The following PRH1 variants were observed in gnomAD, a reference collection of about 807,000 sequenced individuals.
PRH1 encodes the protein proline rich protein HaeIII subfamily 1, also known as salivary acidic proline-rich phosphoprotein 1/2.
Under a neutral mutation model 7.9 loss-of-function variants are expected in PRH1, and 7 were observed. The observed-to-expected ratio is 0.89, with a 90% CI of 0.50 to 1.67. The LOEUF (loss-of-function observed/expected upper bound fraction) is 1.67, where lower values mean the gene tolerates loss of function less well. Among genes scored for constraint, PRH1 ranks in the 40% most tolerant of loss-of-function variants. The pLI, the probability that PRH1 is intolerant of heterozygous loss-of-function variation, is 0.00. For synonymous variants in PRH1, 45 were observed against 80.8 expected, an observed-to-expected ratio of 0.56 and a Z score of 2.38; for missense variants, 109 against 223.6, an observed-to-expected ratio of 0.49 and a Z score of 3.27.
intron 2 of PRH1, among the ~76,000 whole-genome samples, chr12:10,901,696 C>A (rs1175900370): frequency 1.3e-5 from 2 of 152,070 alleles, no homozygotes; most frequent in African/African-American, 4.8e-5. Flanking sequence ...GTAGGTTGAA[C>A]CGCACAGTCT....
intron 2 of PRH1, among the ~76,000 whole-genome samples, chr12:10,962,710 TA>T (rs146263473): frequency 0.029 from 4,413 of 152,364 alleles, 204 homozygotes; most frequent in African/African-American, 0.099. Flanking sequence ...ATCTATTTTT[TA>T]TGTGATCTTT....
At chr12:11,072,181 C>G (rs1944102752) in intron 1 of PRH1, among the ~76,000 whole-genome samples, 1 of 152,110 alleles carries the variant, frequency 6.6e-6, no homozygotes, top group Non-Finnish European at 1.5e-5. Context: ...GAGACAAGCT[C>G]TCACCATGTA....
upstream of PRH1, chr12:11,171,528 G>A: frequency 1.6e-6 from 2 of 1,232,336 alleles, no homozygotes; most frequent in Non-Finnish European, 2.0e-6. Flanking sequence ...CGCGGGCTCG[G>A]TGATCCTCAA....
intron 1 of PRH1, among the ~76,000 whole-genome samples, chr12:11,042,051 T>C (rs1002040567): frequency 4.6e-5 from 7 of 151,964 alleles, no homozygotes; most frequent in Non-Finnish European, 7.4e-5. Flanking sequence ...AACAACCTAA[T>C]TGTGTATCTT....
chr12:10,953,873 G>A (rs1462356061), intron 2 of PRH1, among the ~76,000 whole-genome samples: 1 of 152,152 alleles, frequency 6.6e-6, no homozygotes, highest in Non-Finnish European at 1.5e-5. Context: ...GAAAGGGCAG[G>A]TCACCTACAA....
At chr12:11,122,963 T>C (rs1945962173) in intron 1 of PRH1, among the ~76,000 whole-genome samples, 2 of 152,110 alleles carry the variant, frequency 1.3e-5, no homozygotes, top group Admixed American at 1.3e-4. Flanking sequence ...ACACCTCTTA[T>C]GATAAGTACA....
intron 2 of PRH1, among the ~76,000 whole-genome samples, chr12:10,917,963 G>A (rs1413311747): frequency 1.3e-5 from 2 of 152,176 alleles, no homozygotes; most frequent in Non-Finnish European, 2.9e-5. Flanking sequence ...GCAGATATCA[G>A]TGCCTGCTTT....
intron 1 of PRH1, chr12:10,996,961 G>A (rs1419113633): frequency 1.9e-6 from 3 of 1,611,942 alleles, no homozygotes; most frequent in African/African-American, 1.3e-5. Context: ...GAGTTGACTG[G>A]TTCTGTCCTT....
At chr12:10,995,024 G>A (rs1458353886) in intron 1 of PRH1, among the ~76,000 whole-genome samples, 1 of 152,070 alleles carries the variant, frequency 6.6e-6, no homozygotes, top group Non-Finnish European at 1.5e-5. Context: ...ATTTCCCCTA[G>A]AATTGTGGAA....
At chr12:11,116,494 A>C (rs139231492), downstream of PRH1, among the ~76,000 whole-genome samples, 879 of 152,206 alleles carry the variant, frequency 5.8e-3, 14 homozygotes, top group African/African-American at 0.02. Context: ...TCTACCAAAC[A>C]TTTAAAGAAT....
At chr12:11,145,244 T>C (rs537197566) in intron 1 of PRH1, among the ~76,000 whole-genome samples, 2 of 152,314 alleles carry the variant, frequency 1.3e-5, no homozygotes, top group East Asian at 1.9e-4. Context: ...CAGGTTGGAA[T>C]ACAGTGGCGC....
chr12:11,086,720 C>A lies in PRH1; in HGVS notation n.124-39532G>T, dbSNP rs138848709. ...CCTGAGGTCAGGAGTTTGAAACCAG[C>A]ATGGCCAACACGGTGAAACCCTGTC... On this transcript the variant is annotated intron_variant and non_coding_transcript_variant, in intron 1 of 4. Transcript: ENST00000541977. Among the ~76,000 whole-genome samples, 689 of 117,370 alleles carry A rather than the reference C, an allele frequency of 5.9e-3. 88 individuals carry two copies. The highest frequency in any genetic ancestry group is 0.019 in the African/African-American group (666 of 34,924). The allele number at this position is 117,370 out of a possible 152,430, so 77.0% of individuals were successfully genotyped here. A position where few individuals can be genotyped will look rare whatever the true frequency, so the allele number is the denominator to read the frequency against.
At chr12:11,108,071 G>A (rs1245348471) in intron 1 of PRH1, among the ~76,000 whole-genome samples, 1 of 152,202 alleles carries the variant, frequency 6.6e-6, no homozygotes, top group East Asian at 1.9e-4. Context: ...CTAGAATAGT[G>A]TAACTGGAGA....
intron 1 of PRH1, among the ~76,000 whole-genome samples, chr12:11,087,257 A>C (rs796361197): frequency 0.041 from 3,077 of 74,768 alleles, 53 homozygotes; most frequent in Non-Finnish European, 0.061. Context: ...ATGCACCAAC[A>C]TGCCAGCTAA....
chr12:11,049,178 T>C, upstream of PRH1: 4 of 1,171,562 alleles, frequency 3.4e-6, no homozygotes, highest in Non-Finnish European at 4.4e-6. Flanking sequence ...ACTAGAGCTA[T>C]GAAGCCATTG....
intron 1 of PRH1, chr12:11,134,353 C>G: frequency 8.4e-7 from 1 of 1,191,562 alleles, no homozygotes; most frequent in Non-Finnish European, 1.1e-6. Flanking sequence ...TGTGTATGTG[C>G]TGTGACATTC....
chr12:11,152,220 T>A (rs947046638), intron 1 of PRH1, among the ~76,000 whole-genome samples: 1 of 103,560 alleles, frequency 9.7e-6, no homozygotes, highest in Non-Finnish European at 2.3e-5. Flanking sequence ...CTCCTAATGC[T>A]ATCCCTCCCC....
chr12:11,105,457 A>T (rs1391485512), intron 1 of PRH1, among the ~76,000 whole-genome samples: 1 of 152,192 alleles, frequency 6.6e-6, no homozygotes, highest in African/African-American at 2.4e-5. Context: ...ACAGGAAAGC[A>T]TCTCAATATG....
At chr12:11,020,643 A>G (rs1484777001) in intron 1 of PRH1, among the ~76,000 whole-genome samples, 1 of 151,350 alleles carries the variant, frequency 6.6e-6, no homozygotes, top group Admixed American at 6.6e-5. Flanking sequence ...TTTCCTATCA[A>G]TTATATAGAT....
Sources: gnomAD v4.1 joint callset for allele counts (sites outside exome capture counted in the v4.1 genomes callset) on GRCh38, gnomAD v4.1.1 for gene constraint, MANE v1.5 for transcripts, NCBI Gene and HGNC (gene_info 2026-07-23, HGNC 2026-07-21) for gene names.